The following NUP85 variants were observed in gnomAD, a reference collection of about 807,000 sequenced individuals.
NUP85 encodes nucleoporin 85.
Under a neutral mutation model 92.8 loss-of-function variants are expected in NUP85, and 23 were observed. The ratio of observed to expected loss-of-function variants is 0.25; its 90% CI spans 0.18 to 0.35. The LOEUF (loss-of-function observed/expected upper bound fraction) is 0.35, where lower values mean the gene tolerates loss of function less well. Ranked by LOEUF, NUP85 falls within the 10% of genes least tolerant of loss-of-function variation. NUP85 has a pLI of 1.00. For missense variants in NUP85, 759 were observed against 822.8 expected (o/e 0.92, Z 0.95); for synonymous variants, 314 against 306.9 (o/e 1.02, Z -0.24).
chr17:75,205,799 G>C lies in NUP85; in HGVS notation c.33+5G>C. ...GATGGCGAGCCAACAGTCACTGTAAGGGTACCCCGAACAGGCTTGCTCGTC... is the reference window on the plus strand; with the variant it reads ...GATGGCGAGCCAACAGTCACTGTAACGGTACCCCGAACAGGCTTGCTCGTC... On this transcript the variant is annotated splice_donor_5th_base_variant and intron_variant, in intron 1 of 18. Coordinates refer to ENST00000245544, the MANE Select transcript of NUP85 (RefSeq NM_024844.5). The C allele has an allele frequency of 3.7e-6, 6 of 1,614,156 alleles. No homozygotes were observed. Among genetic ancestry groups the C allele is most frequent in the Non-Finnish European group, 5.1e-6 (6 of 1,180,000 alleles).
In NUP85 at chr17:75,235,159, A is replaced by G. The variant is rs752943959; in HGVS notation, c.1827A>G (p.Ser609=). ...TGCGGTGTCTGGAGGACTTGACGTCAAGAAGACCTGTGCATGGAGAATCTG... is the reference window on the plus strand; with the variant it reads ...TGCGGTGTCTGGAGGACTTGACGTCGAGAAGACCTGTGCATGGAGAATCTG... ...ELMRCLEDLT[S]RRPVHGESDT... The change falls in exon 18 of 19, where the codon TCA becomes TCG. Residue 609 remains serine (S), a synonymous_variant. Coordinates refer to ENST00000245544, the MANE Select transcript of NUP85 (RefSeq NM_024844.5). 5 of 1,614,152 alleles carry G rather than the reference A, an allele frequency of 3.1e-6. No homozygotes were observed. Among genetic ancestry groups the G allele is most frequent in the Middle Eastern group, 1.6e-4 (1 of 6,062 alleles).
At position 75,212,076 on chromosome 17, in the gene NUP85, G is replaced by A. The variant is rs1363433039; in HGVS notation, c.361+14G>A. 2 of 1,491,300 alleles carry A rather than the reference G, an allele frequency of 1.3e-6. No homozygotes were observed. The highest frequency in any genetic ancestry group is 2.4e-5 in the East Asian group (1 of 42,006). The allele number at this position is 1,491,300 out of a possible 1,614,324, so 92.4% of individuals were successfully genotyped here. ...ACCAGGTTGCAAGTAAGGACTGTGT[G>A]CGCGTGCGCGCGTGTGTGTGTGTGT... On this transcript the variant is annotated intron_variant, in intron 4 of 18. Coordinates refer to ENST00000245544, the MANE Select transcript of NUP85 (RefSeq NM_024844.5).
At chr17:75,221,370 C>T (rs1267170940) in intron 7 of NUP85, among the ~76,000 whole-genome samples, 1 of 150,956 alleles carries the variant, frequency 6.6e-6, no homozygotes, top group African/African-American at 2.4e-5. Flanking sequence ...AACTCCTGAC[C>T]TCAAGTGATC....
chr17:75,233,165 C>T lies in NUP85; in HGVS notation c.1615+7C>T. On this transcript the variant is annotated splice_region_variant and intron_variant, in intron 16 of 18. Coordinates refer to ENST00000245544, the MANE Select transcript of NUP85 (RefSeq NM_024844.5). The stretch of plus-strand genomic sequence containing the variant: ...GACCGACTGACATTCCTGGGTGAGT[C>T]TCTGGGTTTTGTGCCCTGTGCTTTG... 1.9e-6 allele frequency: 3 copies of T among 1,613,306 alleles called. No homozygotes were observed. Among genetic ancestry groups the T allele is most frequent in the African/African-American group, 2.7e-5 (2 of 75,006 alleles).
chr17:75,211,790 GA>G (rs1187745052), intron 3 of NUP85, among the ~76,000 whole-genome samples: 35 of 152,150 alleles, frequency 2.3e-4, no homozygotes, highest in African/African-American at 8.4e-4. Flanking sequence ...TGGGTTTGTG[GA>G]TATTAACTTT....
rs1004758928 is a variant in NUP85 at position 75,234,725 on chromosome 17, T to C, written c.1704T>C (p.Ile568=). 1 of 1,614,240 alleles carries C rather than the reference T, an allele frequency of 6.2e-7. No individual in the cohort carries two copies. Among genetic ancestry groups the C allele is most frequent in the African/African-American group, 1.3e-5 (1 of 75,074 alleles). The change falls in exon 17 of 19, where the codon ATT becomes ATC. Residue 568 remains isoleucine, a synonymous_variant. Transcript: ENST00000245544. ...TTCTGTCCTTGATGACGTCTCGGAT[T>C]GCCCCTCGGTCTTTCTGGATGACTC... ...SLLLSLMTSR[I]APRSFWMTLL...
chr17:75,234,682 C>T lies in NUP85; in HGVS notation c.1661C>T (p.Ala554Val). Residue 554 changes from alanine to valine, a missense_variant, in exon 17 of 19, where the codon GCC becomes GTC. Transcript: ENST00000245544. Reference sequence around the variant, plus strand: ...CGTATGTACGGGGAGAAGCGTTTTGCCGACGCAGCTTCTCTCCTTCTGTCC... The same window carrying T: ...CGTATGTACGGGGAGAAGCGTTTTGTCGACGCAGCTTCTCTCCTTCTGTCC... ...FHRMYGEKRFADAASLLLSLM... is the reference protein window; with the variant it reads ...FHRMYGEKRFVDAASLLLSLM... The T allele has an allele frequency of 1.9e-6, 3 of 1,614,170 alleles. No individual in the cohort carries two copies. The highest frequency in any genetic ancestry group is 1.3e-5 in the African/African-American group (1 of 75,046).
At chr17:75,229,454 C>T (rs539164933) in intron 11 of NUP85, among the ~76,000 whole-genome samples, 3 of 152,168 alleles carry the variant, frequency 2.0e-5, no homozygotes, top group Non-Finnish European at 4.4e-5. Flanking sequence ...AGCGTTCTCT[C>T]GTTTTCAGCA....
chr17:75,211,861 G>A (rs760799849), intron 3 of NUP85, 131 bp from the exon 4 acceptor site: 18 of 679,412 alleles, frequency 2.6e-5, no homozygotes, highest in Non-Finnish European at 4.4e-5. Context: ...AGCTTCAGAA[G>A]GTTAGGAGCT....
chr17:75,215,896 G>A, intron 6 of NUP85, 73 bp downstream of exon 6: 5 of 1,289,834 alleles, frequency 3.9e-6, no homozygotes, highest in South Asian at 3.6e-5. Context: ...CATCTTTCCT[G>A]TGCATGGTGA....
At chr17:75,208,717 G>T (rs1369569457) in intron 2 of NUP85, 97 bp downstream of exon 2, 1 of 760,806 alleles carries the variant, frequency 1.3e-6, no homozygotes, top group African/African-American at 1.8e-5. Flanking sequence ...TGAAACAGTT[G>T]AATTTATTTT....
At chr17:75,209,767 C>G in intron 2 of NUP85, 56 bp from the exon 3 acceptor site, 1 of 1,447,256 alleles carries the variant, frequency 6.9e-7, no homozygotes. Flanking sequence ...AGAGTAGATT[C>G]ACTTTTGGAG....
At chr17:75,233,936 G>C (rs2076209910) in intron 16 of NUP85, among the ~76,000 whole-genome samples, 1 of 151,998 alleles carries the variant, frequency 6.6e-6, no homozygotes, top group African/African-American at 2.4e-5. Context: ...GTTTCACCAT[G>C]TTGGTCAGGC....
chr17:75,225,596 T>G (rs1880717451), intron 9 of NUP85, 102 bp from the exon 10 acceptor site: 1 of 1,577,936 alleles, frequency 6.3e-7, no homozygotes, highest in African/African-American at 1.3e-5. Flanking sequence ...GCGAGAGCTT[T>G]CAGACTAGTT....
Position 75,232,837 on chromosome 17 carries a change from T to A in NUP85, c.1397-14T>A. On this transcript the variant is annotated splice_polypyrimidine_tract_variant and intron_variant, in intron 14 of 18. Coordinates refer to ENST00000245544, the MANE Select transcript of NUP85 (RefSeq NM_024844.5). ...GGAGTGAAAGCCGTTTACCTTTTCTTTTCCCCTGCAAAGTTCGCAGCATTT... is the reference window on the plus strand; with the variant it reads ...GGAGTGAAAGCCGTTTACCTTTTCTATTCCCCTGCAAAGTTCGCAGCATTT... The A allele has an allele frequency of 6.2e-7, 1 of 1,612,240 alleles. No homozygotes were observed. Among genetic ancestry groups the A allele is most frequent in the Non-Finnish European group, 8.5e-7 (1 of 1,178,326 alleles).
intron 3 of NUP85, among the ~76,000 whole-genome samples, chr17:75,211,003 G>GGT: frequency 9.0e-6 from 1 of 111,680 alleles, no homozygotes; most frequent in East Asian, 2.6e-4. Context: ...GCCTGGCCCT[G>GGT]TTTTTTTTTT....
At chr17:75,216,667 T>C (rs2075442317) in intron 6 of NUP85, among the ~76,000 whole-genome samples, 1 of 152,196 alleles carries the variant, frequency 6.6e-6, no homozygotes, top group African/African-American at 2.4e-5. Context: ...TAAGGATTTA[T>C]GTTTGCTATT....
At chr17:75,223,120 G>A (rs775921987) in intron 7 of NUP85, among the ~76,000 whole-genome samples, 1 of 150,968 alleles carries the variant, frequency 6.6e-6, no homozygotes, top group African/African-American at 2.4e-5. Flanking sequence ...CATAGTTCTT[G>A]CACTTAGCAA....
At chr17:75,216,682 A>G (rs1735081902) in intron 6 of NUP85, among the ~76,000 whole-genome samples, 1 of 152,142 alleles carries the variant, frequency 6.6e-6, no homozygotes, top group Non-Finnish European at 1.5e-5. Flanking sequence ...GCTATTTTCC[A>G]TAAATGAGTA....
Sources: allele counts gnomAD v4.1 joint callset (sites outside exome capture counted in the v4.1 genomes callset), GRCh38; gene constraint gnomAD v4.1.1; transcripts MANE v1.5; gene names NCBI Gene and HGNC (gene_info 2026-07-23, HGNC 2026-07-21).